The following CACNA1C variants were observed in gnomAD, a reference collection of about 807,000 sequenced individuals.
CACNA1C encodes the protein voltage-dependent L-type calcium channel subunit alpha-1C.
Under a neutral mutation model 229.0 loss-of-function variants are expected in CACNA1C, and 30 were observed. That is an observed-to-expected ratio of 0.13 (90% CI 0.10 to 0.18). The LOEUF (loss-of-function observed/expected upper bound fraction) is 0.18. Ranked by LOEUF, CACNA1C falls within the 10% of genes least tolerant of loss-of-function variation. The pLI is 1.00. For synonymous variants in CACNA1C, 1,114 were observed against 1,132.5 expected (o/e 0.98, Z 0.33); for missense variants, 1,658 against 2,845.0 (o/e 0.58, Z 9.49).
In CACNA1C at chr12:2,002,207, C is replaced by T. The variant is rs7969540; in HGVS notation, c.139+31006C>T. The stretch of plus-strand genomic sequence containing the variant: ...AATAAGAATTCCCCTCCTTAAGATC[C>T]CCCCTGCCTTCTTGTAAATACTTTC... On this transcript the variant is annotated intron_variant, in intron 1 of 46. Transcript: ENST00000682462. 9.0e-3 allele frequency among the ~76,000 whole-genome samples: 1,373 copies of T among 152,270 alleles called. 25 individuals are homozygous for T. The highest frequency in any genetic ancestry group is 0.031 in the African/African-American group (1,304 of 41,530).
At chr12:2,210,432 C>A (rs1428597814) in intron 3 of CACNA1C, among the ~76,000 whole-genome samples, 1 of 152,184 alleles carries the variant, frequency 6.6e-6, no homozygotes, top group Non-Finnish European at 1.5e-5. Flanking sequence ...TGCCCTCTTT[C>A]TTTGGAAGCA....
chr12:2,533,045 T>A (rs960402873), intron 9 of CACNA1C, among the ~76,000 whole-genome samples: 7 of 152,174 alleles, frequency 4.6e-5, no homozygotes, highest in Non-Finnish European at 1.0e-4. Context: ...GTTCTAAGAT[T>A]CGGGCAAAGA....
intron 3 of CACNA1C, among the ~76,000 whole-genome samples, chr12:2,165,753 A>G (rs74062239): frequency 0.037 from 5,549 of 151,882 alleles, 174 homozygotes; most frequent in East Asian, 0.16. Context: ...ATGTGTGTGT[A>G]TTAGCCTGAA....
chr12:2,645,023 T>C (rs1220084704), intron 30 of CACNA1C, among the ~76,000 whole-genome samples: 1 of 152,234 alleles, frequency 6.6e-6, no homozygotes, highest in African/African-American at 2.4e-5. Flanking sequence ...ATTTCATTTA[T>C]ATCAATTACG....
chr12:2,286,170 C>T (rs547477947), intron 3 of CACNA1C, among the ~76,000 whole-genome samples: 3 of 152,316 alleles, frequency 2.0e-5, no homozygotes, highest in Non-Finnish European at 2.9e-5. Flanking sequence ...TTCAGTTGTC[C>T]TTTTTCTTTG....
At chr12:2,015,628 G>T (rs1179749000) in intron 1 of CACNA1C, among the ~76,000 whole-genome samples, 1 of 152,198 alleles carries the variant, frequency 6.6e-6, no homozygotes, top group Non-Finnish European at 1.5e-5. Flanking sequence ...TTGCTGGAAG[G>T]CATTTAAAAA....
intron 45 of CACNA1C, among the ~76,000 whole-genome samples, 158 bp downstream of exon 45, chr12:2,686,427 A>G (rs947802525): frequency 2.2e-4 from 34 of 151,872 alleles, no homozygotes; most frequent in Middle Eastern, 3.4e-3. Context: ...AGGGCTTCAC[A>G]CTCCTGTGCA....
At chr12:2,055,322 C>A (rs1466246177) in intron 1 of CACNA1C, among the ~76,000 whole-genome samples, 1 of 152,212 alleles carries the variant, frequency 6.6e-6, no homozygotes, top group African/African-American at 2.4e-5. Context: ...AGACTGCGTG[C>A]TTTACCCACC....
At chr12:2,117,757 G>A (rs1024205199) in intron 2 of CACNA1C, among the ~76,000 whole-genome samples, 3 of 152,358 alleles carry the variant, frequency 2.0e-5, no homozygotes, top group South Asian at 4.1e-4. Flanking sequence ...ACCTGGATCC[G>A]GGCCTAACAC....
intron 9 of CACNA1C, among the ~76,000 whole-genome samples, chr12:2,548,100 G>C (rs900518440): frequency 3.4e-5 from 3 of 87,294 alleles, no homozygotes; most frequent in Admixed American, 1.2e-4. Flanking sequence ...TGAGATGGCT[G>C]GAGATAGATG....
intron 7 of CACNA1C, among the ~76,000 whole-genome samples, chr12:2,500,099 G>A (rs1386814029): frequency 2.0e-5 from 3 of 152,178 alleles, no homozygotes; most frequent in Non-Finnish European, 4.4e-5. Flanking sequence ...GACCACCCTG[G>A]CCTCGTCCGT....
rs773947971 is a variant in CACNA1C, at chr12:2,593,226, G to A, written c.2544G>A (p.Glu848=). ...TTCTTCTTACAGGAGAAGAGGATGA[G>A]GAGGAGCCAGAGATGCCTGTCGGCC... ...PNPETTGEED[E]EEPEMPVGPR... is the part of the protein sequence containing the mutation. The change falls in exon 19 of 47, where the codon GAG becomes GAA. Residue 848 remains glutamate (E), a synonymous_variant. Transcript: ENST00000399655. The A allele has an allele frequency of 1.9e-6, 3 of 1,612,464 alleles. No homozygotes were observed. Among genetic ancestry groups the A allele is most frequent in the Non-Finnish European group, 2.5e-6 (3 of 1,179,364 alleles).
At chr12:2,118,711 G>A (rs928328919) in intron 2 of CACNA1C, among the ~76,000 whole-genome samples, 12 of 152,288 alleles carry the variant, frequency 7.9e-5, no homozygotes, top group East Asian at 1.9e-4. Context: ...CAGCATCAGC[G>A]TCTGTCTCCC....
chr12:2,492,197 C>G (rs7306916), intron 6 of CACNA1C, among the ~76,000 whole-genome samples: 12,786 of 152,186 alleles, frequency 0.084, 1,010 homozygotes, highest in East Asian at 0.34. Flanking sequence ...ATTCTTAGAT[C>G]AGTCAGGTCT....
rs982682310 is a variant in CACNA1C, at chr12:2,669,038, A to G, written c.4726+3A>G. On this transcript the variant is annotated splice_donor_region_variant and intron_variant, in intron 38 of 46. Coordinates refer to ENST00000399655, the MANE Select transcript of CACNA1C (RefSeq NM_000719.7). ...GGCCCTGAGGATCAAAACAGAAGGT[A>G]AGGTCGCCCGTGGGCACTGGGAGAG... The G allele has an allele frequency of 5.0e-6, 8 of 1,604,542 alleles. No individual in the cohort carries two copies. In the African/African-American group the frequency reaches 8.0e-5, roughly 16 times the overall value.
chr12:2,019,046 A>G (rs1435690360), intron 1 of CACNA1C, among the ~76,000 whole-genome samples: 1 of 152,192 alleles, frequency 6.6e-6, no homozygotes, highest in Non-Finnish European at 1.5e-5. Flanking sequence ...AAGGGGAAAA[A>G]GGAGAAACCA....
At chr12:2,612,499 G>T (rs1390664200) in intron 29 of CACNA1C, 1 of 155,660 alleles carries the variant, frequency 6.4e-6, no homozygotes, top group Non-Finnish European at 1.4e-5. Flanking sequence ...TTTGCTCAGG[G>T]CTCAGGACTG....
chr12:2,090,117 A>G (rs148909341), intron 1 of CACNA1C, among the ~76,000 whole-genome samples: 2,061 of 152,138 alleles, frequency 0.014, 56 homozygotes, highest in African/African-American at 0.047. Flanking sequence ...GGCAACCACC[A>G]TTCTACTCTC....
intron 1 of CACNA1C, among the ~76,000 whole-genome samples, chr12:1,979,614 T>C (rs71454848): frequency 0.13 from 19,192 of 152,304 alleles, 1,470 homozygotes; most frequent in Admixed American, 0.19. Flanking sequence ...GCCCAGCCCA[T>C]TTCTCTTAAG....
Sources: allele counts gnomAD v4.1 joint callset (sites outside exome capture counted in the v4.1 genomes callset), GRCh38; gene constraint gnomAD v4.1.1; transcripts MANE v1.5; gene names NCBI Gene and HGNC (gene_info 2026-07-23, HGNC 2026-07-21).